GDF5: variants seen among roughly 807,000 people sequenced by gnomAD.
The protein encoded by GDF5 is growth/differentiation factor 5.
In GDF5, 17 loss-of-function variants were observed where a neutral mutation model predicts 34.6. That is an observed-to-expected ratio of 0.49 (90% confidence interval 0.34 to 0.74). The LOEUF (loss-of-function observed/expected upper bound fraction) is 0.74. GDF5 is among the 30% of genes least tolerant of loss of function. The pLI is 0.01. For missense variants in GDF5, 616 were observed against 661.2 expected, an observed-to-expected ratio of 0.93 and a Z score of 0.75; for synonymous variants, 332 against 290.7, an observed-to-expected ratio of 1.14 and a Z score of -1.44.
chr20:35,445,222 A>T (rs1374448537), intron 1 of GDF5, among the ~76,000 whole-genome samples: 1 of 152,212 alleles, frequency 6.6e-6, no homozygotes, highest in African/African-American at 2.4e-5. Context: ...TGGGAATAAT[A>T]ACGATATACC....
chr20:35,441,747 C>T (rs1017752850), upstream of GDF5, among the ~76,000 whole-genome samples: 1 of 152,132 alleles, frequency 6.6e-6, no homozygotes, highest in Admixed American at 6.5e-5. Context: ...GCCACCATAC[C>T]CGGCCAATAA....
At position 35,437,301 on chromosome 20, in the gene GDF5, G is replaced by A. The variant is rs146968459; in HGVS notation, c.628C>T (p.Gln210Ter). ...NTITSFIDKG[Q>*]DDRGPVVRKQ... is the part of the protein sequence containing the mutation. ...CCCTGCCACCCCGCCCCCTCACCTT[G>A]CCCTTTGTCAATAAAGCTGGTGATG... is the stretch of plus-strand genomic sequence containing the variant. Residue 210 changes from glutamine to a stop codon, truncating the protein, a stop_gained, in exon 1 of 2, where the codon CAA (glutamine) becomes TAA (stop). Transcript: ENST00000374369. LOFTEE classifies it high-confidence loss of function. 6.3e-7 allele frequency: 1 copy of A among 1,596,234 alleles called. No individual in the cohort carries two copies. Among genetic ancestry groups the A allele is most frequent in the Non-Finnish European group, 8.6e-7 (1 of 1,165,202 alleles).
At chr20:35,445,645 C>T (rs958202347) in intron 1 of GDF5, among the ~76,000 whole-genome samples, 5 of 150,884 alleles carry the variant, frequency 3.3e-5, no homozygotes, top group Non-Finnish European at 5.9e-5. Context: ...GTCTGGGCGA[C>T]GGGGTGAGAC....
At chr20:35,439,712 C>A (rs1025193408), upstream of GDF5, among the ~76,000 whole-genome samples, 1 of 152,036 alleles carries the variant, frequency 6.6e-6, no homozygotes. Context: ...CCTGAAATAT[C>A]CTCCTCTCTC....
chr20:35,436,491 T>C (rs1288443868), intron 1 of GDF5, among the ~76,000 whole-genome samples: 1 of 151,404 alleles, frequency 6.6e-6, no homozygotes, highest in Non-Finnish European at 1.5e-5. Flanking sequence ...ACTGAGGCCC[T>C]GAGAGGGGGA....
Position 35,453,834 on chromosome 20 carries a change from C to G in GDF5, c.-398+806G>C, listed in dbSNP as rs910481604. On this transcript the variant is annotated intron_variant, in intron 1 of 3. Coordinates refer to the GDF5 transcript ENST00000374372. ...CGAGCTATCCACTCATTCACCCATT[C>G]ACTCAGCACTTATTGAGCACCTATT... 1.5e-4 allele frequency: 73 copies of G among 501,596 alleles called. No homozygotes were observed. In the Admixed American group the frequency reaches 1.5e-3, roughly 10 times the overall value. 31.1% of individuals were successfully genotyped at this position (501,596 alleles called of 1,614,324 possible).
chr20:35,434,644 G>C lies in GDF5; in HGVS notation c.771C>G (p.Gly257=), dbSNP rs76603468. ...SDTAKPAAPG[G]GRAAQLKLSS... is the part of the protein sequence containing the mutation. Reference sequence around the variant, plus strand: ...ACAGCTTCAGCTGGGCAGCCCGCCCGCCTCCGGGGGCCGCTGGCTTGGCCG... The same window carrying C: ...ACAGCTTCAGCTGGGCAGCCCGCCCCCCTCCGGGGGCCGCTGGCTTGGCCG... The change falls in exon 2 of 2, where the codon GGC becomes GGG. Residue 257 remains glycine, a synonymous_variant. Transcript: ENST00000374369. The C allele has an allele frequency of 2.5e-6, 4 of 1,607,818 alleles. No homozygotes were observed. The highest frequency in any genetic ancestry group is 3.4e-6 in the Non-Finnish European group (4 of 1,175,844).
At chr20:35,446,994 A>G (rs2062516095) in intron 1 of GDF5, among the ~76,000 whole-genome samples, 1 of 151,778 alleles carries the variant, frequency 6.6e-6, no homozygotes, top group South Asian at 2.1e-4. Context: ...TTTTATTATT[A>G]TTATACTTTA....
chr20:35,437,156 T>G (rs2062475528), intron 1 of GDF5, 142 bp downstream of exon 1: 2 of 655,298 alleles, frequency 3.1e-6, no homozygotes, highest in Non-Finnish European at 5.3e-6. Flanking sequence ...GTGTGAGATA[T>G]GTGTCAGTGT....
In GDF5 at chr20:35,433,540, C is replaced by T. The variant is rs2062451875; in HGVS notation, c.*369G>A. On this transcript the variant is annotated 3_prime_UTR_variant, in exon 2 of 2. Transcript: ENST00000374369. ...TTTGAGGAGGCAGTGGCACCTGTGG[C>T]TCTCCTGAGAGGTGCTTAGGAGAGT... is the stretch of plus-strand genomic sequence containing the variant. The T allele has an allele frequency of 2.8e-6, 1 of 353,748 alleles. No homozygotes were observed. The highest frequency in any genetic ancestry group is 5.5e-6 in the Non-Finnish European group (1 of 181,656). 21.9% of individuals were successfully genotyped at this position (353,748 alleles called of 1,614,324 possible).
In GDF5 at chr20:35,434,397, C is replaced by G. The variant is rs1221291841; in HGVS notation, c.1018G>C (p.Ala340Pro). 3 of 1,613,710 alleles carry G rather than the reference C, an allele frequency of 1.9e-6. No individual in the cohort carries two copies. The highest frequency in any genetic ancestry group is 1.6e-4 in the Middle Eastern group (1 of 6,062). Residue 340 changes from alanine (A) to proline (P), a missense_variant, in exon 2 of 2, where the codon GCC becomes CCC. Physicochemically the swap from Ala to Pro is conservative, Grantham distance 27. Transcript: ENST00000374369. ...GTGCGGCCAAACACCAGGAACAGGG[C>G]TTTCTCGTGGACCTGCCGGGCGGCG... ...DRAARQVHEK[A>P]LFLVFGRTKK...
chr20:35,448,220 C>T (rs577164848), intron 1 of GDF5, among the ~76,000 whole-genome samples: 352 of 151,894 alleles, frequency 2.3e-3, no homozygotes, highest in African/African-American at 7.7e-3. Context: ...TTCCCTCCAT[C>T]TAATTCTAAT....
upstream of GDF5, chr20:35,438,360 A>T (rs1346727512): frequency 1.1e-5 from 1 of 94,748 alleles, no homozygotes; most frequent in Non-Finnish European, 2.5e-5. Context: ...AAAATACTTC[A>T]CACACACACA....
upstream of GDF5, among the ~76,000 whole-genome samples, chr20:35,440,689 A>G (rs1440423255): frequency 1.3e-5 from 2 of 152,124 alleles, no homozygotes; most frequent in African/African-American, 4.8e-5. Context: ...TCTGCCCCCT[A>G]TCCCAACACA....
In GDF5 at chr20:35,434,657, G is replaced by T. The variant is rs755501865; in HGVS notation, c.758C>A (p.Ala253Glu). 2.5e-6 allele frequency: 4 copies of T among 1,609,638 alleles called. No individual in the cohort carries two copies. In the East Asian group the frequency reaches 6.7e-5, roughly 27 times the overall value. Residue 253 changes from alanine to glutamate, a missense_variant, in exon 2 of 2, where the codon GCG (alanine) becomes GAG (glutamate). Ala to Glu is a moderately radical substitution (Grantham distance 107). Transcript: ENST00000374369. ...RKKPSDTAKP[A>E]APGGGRAAQL... ...GGCAGCCCGCCCGCCTCCGGGGGCCGCTGGCTTGGCCGTGTCCGAGGGCTT... is the reference window on the plus strand; with the variant it reads ...GGCAGCCCGCCCGCCTCCGGGGGCCTCTGGCTTGGCCGTGTCCGAGGGCTT...
chr20:35,442,514 C>T (rs1052481641), upstream of GDF5, among the ~76,000 whole-genome samples: 2 of 149,338 alleles, frequency 1.3e-5, no homozygotes, highest in Admixed American at 6.7e-5. Flanking sequence ...GTGCCCAGCC[C>T]GAAGGTAACT....
intron 1 of GDF5, among the ~76,000 whole-genome samples, chr20:35,451,528 G>A (rs114915438): frequency 0.014 from 2,047 of 151,102 alleles, 57 homozygotes; most frequent in African/African-American, 0.047. Context: ...CTGTTTGTAC[G>A]TCTCAAATGC....
At chr20:35,439,947 C>T (rs1170052113), upstream of GDF5, among the ~76,000 whole-genome samples, 18 of 112,626 alleles carry the variant, frequency 1.6e-4, no homozygotes, top group Admixed American at 2.3e-3. Flanking sequence ...GACAGAGTCT[C>T]ACTCTGTCAC....
chr20:35,451,052 A>ATAT (rs1483480159), intron 1 of GDF5, among the ~76,000 whole-genome samples: 22 of 22,878 alleles, frequency 9.6e-4, no homozygotes, highest in East Asian at 3.4e-3. Context: ...GAAAAAAAAA[A>ATAT]AAAAAAAAAA....
Sources: gnomAD v4.1 joint callset for allele counts (sites outside exome capture counted in the v4.1 genomes callset) on GRCh38, gnomAD v4.1.1 for gene constraint, MANE v1.5 for transcripts, NCBI Gene and HGNC (gene_info 2026-07-23, HGNC 2026-07-21) for gene names.